AP3D1: variants seen among roughly 807,000 people sequenced by gnomAD.
The protein encoded by AP3D1 is adaptor related protein complex 3 subunit delta 1, also known as AP-3 complex subunit delta-1.
A neutral mutation model predicts 147.6 loss-of-function variants in AP3D1; 51 were observed. The ratio of observed to expected loss-of-function variants is 0.35; its 90% confidence interval spans 0.28 to 0.44. The LOEUF (loss-of-function observed/expected upper bound fraction) is 0.44, where lower values mean the gene tolerates loss of function less well. Ranked by LOEUF, AP3D1 falls within the 20% of genes least tolerant of loss-of-function variation. The pLI is 1.00. For missense variants in AP3D1, 1,421 were observed against 1,624.2 expected (o/e 0.87, Z 2.15); for synonymous variants, 760 against 663.0 (o/e 1.15, Z -2.25).
intron 31 of AP3D1, among the ~76,000 whole-genome samples, chr19:2,104,645 C>T (rs2144987999): frequency 6.6e-6 from 1 of 150,778 alleles, no homozygotes; most frequent in East Asian, 2.0e-4. Context: ...GGTGGACGGA[C>T]ACTAGGACTC....
intron 8 of AP3D1, 152 bp from the exon 9 acceptor site, chr19:2,127,353 T>C: frequency 9.2e-6 from 7 of 758,250 alleles, no homozygotes; most frequent in Non-Finnish European, 1.5e-5. Context: ...CTCCAAGGCC[T>C]GTGGTGCTCG....
intron 1 of AP3D1, among the ~76,000 whole-genome samples, chr19:2,147,586 C>CA (rs2019393587): frequency 6.7e-6 from 1 of 148,272 alleles, no homozygotes; most frequent in Non-Finnish European, 1.5e-5. Flanking sequence ...AAAAAAAAAA[C>CA]AAAAAAGAAA....
intron 1 of AP3D1, among the ~76,000 whole-genome samples, chr19:2,145,603 A>G (rs958443315): frequency 6.6e-6 from 1 of 152,160 alleles, no homozygotes; most frequent in African/African-American, 2.4e-5. Context: ...GCCAGAGCAC[A>G]CCCAGGGCTG....
chr19:2,123,941 A>T, intron 9 of AP3D1, 62 bp from the exon 10 acceptor site: 1 of 1,530,086 alleles, frequency 6.5e-7, no homozygotes, highest in South Asian at 1.2e-5. Context: ...ACACCAACTC[A>T]GGGCCACGGG....
chr19:2,132,835 T>C (rs1388447228), intron 4 of AP3D1, among the ~76,000 whole-genome samples: 2 of 151,816 alleles, frequency 1.3e-5, no homozygotes, highest in Non-Finnish European at 2.9e-5. Context: ...CTGGGAACAG[T>C]GAGGTCTGAG....
intron 1 of AP3D1, among the ~76,000 whole-genome samples, chr19:2,139,940 G>C (rs954538469): frequency 6.6e-6 from 1 of 152,196 alleles, no homozygotes; most frequent in African/African-American, 2.4e-5. Flanking sequence ...ACCGGGCTGG[G>C]GAAGGAGACA....
At chr19:2,121,946 C>A (rs757680493) in intron 11 of AP3D1, 67 bp from the exon 12 acceptor site, 1 of 1,506,974 alleles carries the variant, frequency 6.6e-7, no homozygotes, top group African/African-American at 1.4e-5. Context: ...GCAGGGCCCA[C>A]GGCTCTCCGG....
intron 12 of AP3D1, 45 bp from the exon 13 acceptor site, chr19:2,121,356 G>A (rs777394598): frequency 6.2e-7 from 1 of 1,601,858 alleles, no homozygotes; most frequent in Non-Finnish European, 8.5e-7. Flanking sequence ...ACCCAGCCTG[G>A]GGCCTGCTTG....
At chr19:2,158,399 T>C (rs6510645) in intron 1 of AP3D1, among the ~76,000 whole-genome samples, 70,574 of 149,170 alleles carry the variant, frequency 0.47, 16,835 homozygotes, top group Non-Finnish European at 0.49. Context: ...CTCTGTTCCC[T>C]GGGTTGTAGT....
intron 1 of AP3D1, among the ~76,000 whole-genome samples, chr19:2,145,930 A>G (rs1042110068): frequency 6.6e-6 from 1 of 152,216 alleles, no homozygotes; most frequent in African/African-American, 2.4e-5. Flanking sequence ...GGCAGCTGAC[A>G]CTACAGCTGC....
upstream of AP3D1, among the ~76,000 whole-genome samples, chr19:2,152,833 G>A (rs538236507): frequency 9.1e-4 from 138 of 152,002 alleles, 1 homozygote; most frequent in African/African-American, 3.1e-3. Context: ...CCGAGATCGC[G>A]CCACTGCACT....
intron 1 of AP3D1, among the ~76,000 whole-genome samples, chr19:2,139,102 A>T (rs1228315829): frequency 6.6e-6 from 1 of 150,954 alleles, no homozygotes; most frequent in Non-Finnish European, 1.5e-5. Context: ...GAAGCCAGGC[A>T]TAAGAGAGAG....
intron 19 of AP3D1, 27 bp downstream of exon 19, chr19:2,115,511 C>A (rs566131697): frequency 3.1e-6 from 5 of 1,611,252 alleles, no homozygotes; most frequent in Non-Finnish European, 4.2e-6. Flanking sequence ...GTGACAAATG[C>A]GGCGCCGACA....
chr19:2,128,472 CGCCGCTCCG>C (rs1568294635), intron 8 of AP3D1, among the ~76,000 whole-genome samples: 3 of 93,738 alleles, frequency 3.2e-5, no homozygotes, highest in African/African-American at 1.0e-4. Flanking sequence ...GGCCCGCCCC[CGCCGCTCCG>C]ACACTGCACC....
chr19:2,138,484 G>T, intron 2 of AP3D1, 135 bp downstream of exon 2: 1 of 701,696 alleles, frequency 1.4e-6, no homozygotes, highest in Non-Finnish European at 2.5e-6. Flanking sequence ...ACTCTGGGTT[G>T]GCCCTGAGTG....
chr19:2,157,472 A>C, intron 1 of AP3D1, among the ~76,000 whole-genome samples: 1 of 149,384 alleles, frequency 6.7e-6, no homozygotes, highest in Non-Finnish European at 1.5e-5. Flanking sequence ...AAAAAAACAA[A>C]CATCTACCCC....
At chr19:2,103,497 A>G (rs1191929242) in intron 31 of AP3D1, among the ~76,000 whole-genome samples, 1 of 152,160 alleles carries the variant, frequency 6.6e-6, no homozygotes, top group Non-Finnish European at 1.5e-5. Context: ...AGAGGGAGGT[A>G]CGCGGGGAAA....
intron 1 of AP3D1, among the ~76,000 whole-genome samples, chr19:2,148,599 T>C (rs1028244208): frequency 2.6e-5 from 4 of 152,234 alleles, no homozygotes; most frequent in African/African-American, 4.8e-5. Context: ...CGCGTGTCAC[T>C]GCAGCATCCT....
At chr19:2,116,474 G>A (rs1028049080) in intron 17 of AP3D1, 131 bp downstream of exon 17, 3 of 1,310,796 alleles carry the variant, frequency 2.3e-6, no homozygotes, top group Admixed American at 2.7e-5. Flanking sequence ...AACGCTCTGG[G>A]AGGCAGGGAC....
Sources: allele counts gnomAD v4.1 joint callset (sites outside exome capture counted in the v4.1 genomes callset), GRCh38; gene constraint gnomAD v4.1.1; transcripts MANE v1.5; gene names NCBI Gene and HGNC (gene_info 2026-07-23, HGNC 2026-07-21).